Variants in ATAD3B observed in about 807,000 individuals in gnomAD.
ATAD3B encodes ATPase family AAA domain-containing protein 3B.
Under a neutral mutation model 70.2 loss-of-function variants are expected in ATAD3B, and 59 were observed. The observed-to-expected ratio is 0.84, with a 90% confidence interval of 0.68 to 1.04. The LOEUF is 1.04. ATAD3B is among the 50% of genes least tolerant of loss of function. ATAD3B has a pLI of 0.00. For missense variants in ATAD3B, 961 were observed against 913.4 expected (o/e 1.05, Z -0.67); for synonymous variants, 423 against 388.6 (o/e 1.09, Z -1.04).
At chr1:1,477,192 T>C in intron 1 of ATAD3B, 82 bp from the exon 2 acceptor site, 2 of 1,544,234 alleles carry the variant, frequency 1.3e-6, no homozygotes, top group Non-Finnish European at 1.8e-6. Context: ...GTATTTTTAG[T>C]AGAGGTTGGG....
chr1:1,489,258 G>T lies in ATAD3B; in HGVS notation c.1321G>T (p.Gly441Cys). 3 of 1,613,540 alleles carry T rather than the reference G, an allele frequency of 1.9e-6. No homozygotes were observed. The highest frequency in any genetic ancestry group is 2.5e-6 in the Non-Finnish European group (3 of 1,179,650). Residue 441 changes from glycine to cysteine, a missense_variant, in exon 13 of 16, where the codon GGC (glycine) becomes TGC (cysteine). Physicochemically the swap from Gly to Cys is radical, Grantham distance 159. This residue lies in a region of ATAD3B where 417 missense variants were observed against 335.0 expected (regional missense o/e 1.24). Transcript: ENST00000673477. ...ATLNAFLYHMGQHSNKFMLVL... is the reference protein window; with the variant it reads ...ATLNAFLYHMCQHSNKFMLVL... ...ACTGAACGCCTTCCTGTACCACATG[G>T]GCCAACACAGCAACAAGTGAGGGAG...
Position 1,496,008 on chromosome 1 carries a change from T to G in ATAD3B, c.*191T>G. 7.5e-7 allele frequency: 1 copy of G among 1,340,702 alleles called. No individual in the cohort carries two copies. The highest frequency in any genetic ancestry group is 9.6e-7 in the Non-Finnish European group (1 of 1,047,032). 83.1% of individuals were successfully genotyped at this position (1,340,702 alleles called of 1,614,324 possible). A position where few individuals can be genotyped will look rare whatever the true frequency, so the allele number is the denominator to read the frequency against. On this transcript the variant is annotated 3_prime_UTR_variant, in exon 16 of 16. Transcript: ENST00000673477. ...GGCAGGCGGGGTCTTTGTTCTCGGCTCCCACAGCAGAGCCAGGTGAGGGGG... is the reference window on the plus strand; with the variant it reads ...GGCAGGCGGGGTCTTTGTTCTCGGCGCCCACAGCAGAGCCAGGTGAGGGGG...
Position 1,490,292 on chromosome 1 carries a change from AG to A in ATAD3B, c.1374del (p.Gln458HisfsTer12), listed in dbSNP as rs762670446. Reference protein sequence around the residue: ...MLVLASNLPEQFDCAINSRID... With the variant: ...MLVLASNLPEXFDCAINSRID... ...GTCCTGGCCAGCAATCTGCCTGAGC[AG>A]TTCGACTGTGCCATCAACAGCCGCA... On this transcript the variant is annotated frameshift_variant, in exon 14 of 16. Coordinates refer to ENST00000673477, the MANE Select transcript of ATAD3B (RefSeq NM_031921.6). LOFTEE classifies it high-confidence loss of function. 2.4e-5 allele frequency: 38 copies of A among 1,613,022 alleles called. 1 individual carries two copies. The highest frequency in any genetic ancestry group is 3.2e-5 in the Non-Finnish European group (38 of 1,179,668).
At chr1:1,485,500 C>G (rs1277066099) in intron 8 of ATAD3B, among the ~76,000 whole-genome samples, 1 of 152,092 alleles carries the variant, frequency 6.6e-6, no homozygotes, top group Non-Finnish European at 1.5e-5. Context: ...GGTGGCCTCC[C>G]TGGGGAGCCG....
At position 1,477,305 on chromosome 1, in the gene ATAD3B, G is replaced by C. The variant is rs1378927038; in HGVS notation, c.237G>C (p.Gln79His). ...CCAAGGAGGCCCTGAATCTGGCGCA[G>C]ATGCAGGAGCAGACGCTGCAGTTGG... is the stretch of plus-strand genomic sequence containing the variant. ...RYAKEALNLAQMQEQTLQLEQ... is the reference protein window; with the variant it reads ...RYAKEALNLAHMQEQTLQLEQ... Residue 79 changes from glutamine (Q) to histidine (H), a missense_variant, in exon 2 of 16, where the codon CAG becomes CAC. Coordinates refer to ENST00000673477, the MANE Select transcript of ATAD3B (RefSeq NM_031921.6). 4 of 1,612,428 alleles carry C rather than the reference G, an allele frequency of 2.5e-6. No homozygotes were observed. The highest frequency in any genetic ancestry group is 3.4e-6 in the Non-Finnish European group (4 of 1,179,722).
At chr1:1,505,382 G>A in the ATAD3B span, among the ~76,000 whole-genome samples, 1 of 152,202 alleles carries the variant, frequency 6.6e-6, no homozygotes, top group African/African-American at 2.4e-5. Flanking sequence ...AGGATGGAAC[G>A]TGAAGGCGGA....
At chr1:1,475,951 C>A (rs915111296) in intron 1 of ATAD3B, among the ~76,000 whole-genome samples, 16 of 150,074 alleles carry the variant, frequency 1.1e-4, no homozygotes, top group African/African-American at 4.0e-4. Context: ...AGCTCCTCAC[C>A]GTGACACCCA....
chr1:1,498,465 T>C (rs1570291285), downstream of ATAD3B, among the ~76,000 whole-genome samples: 1 of 150,094 alleles, frequency 6.7e-6, no homozygotes, highest in African/African-American at 2.5e-5. Flanking sequence ...TGTCTCAAAA[T>C]AAATTAAAAA....
the ATAD3B span, chr1:1,503,471 C>T: frequency 2.1e-6 from 2 of 968,484 alleles, no homozygotes; most frequent in Non-Finnish European, 3.2e-6. Flanking sequence ...GGGCTGGGGG[C>T]TTTGAGGTCG....
At position 1,482,296 on chromosome 1, in the gene ATAD3B, T is replaced by G. The variant is rs1393896119; in HGVS notation, c.673T>G (p.Ser225Ala). 1 of 1,602,602 alleles carries G rather than the reference T, an allele frequency of 6.2e-7. No individual in the cohort carries two copies. The highest frequency in any genetic ancestry group is 1.4e-5 in the African/African-American group (1 of 69,488). ...ASEHRQTVLESIRTAGTLFGE... is the reference protein window; with the variant it reads ...ASEHRQTVLEAIRTAGTLFGE... ...CGAGCACCGTCAGACCGTCTTGGAG[T>G]CCATCAGGTGAGCACTGCCCAGGCC... The change falls in exon 6 of 16, where the codon TCC (serine) becomes GCC (alanine). Residue 225 changes from serine to alanine, a missense_variant. Ser to Ala is a moderately conservative substitution (Grantham distance 99). Around this residue, in one of 4 missense-constraint regions of ATAD3B, gnomAD observed 349 missense variants for 307.5 expected, o/e 1.14. Transcript: ENST00000673477.
intron 12 of ATAD3B, 111 bp from the exon 13 acceptor site, chr1:1,489,093 A>G: frequency 1.3e-6 from 2 of 1,555,768 alleles, no homozygotes; most frequent in Non-Finnish European, 1.8e-6. Context: ...GATCCATGAA[A>G]GTGTCGCCAC....
At chr1:1,483,063 G>A (rs1171531033) in intron 7 of ATAD3B, 2 of 455,200 alleles carry the variant, frequency 4.4e-6, no homozygotes, top group African/African-American at 4.0e-5. Context: ...CGGAGGCGGA[G>A]GTGGGCGGAT....
chr1:1,508,266 T>C, the ATAD3B span, among the ~76,000 whole-genome samples: 1 of 151,268 alleles, frequency 6.6e-6, no homozygotes, highest in African/African-American at 2.5e-5. Context: ...CTCCGGTCAG[T>C]GTCTCCCCAC....
intron 7 of ATAD3B, chr1:1,483,121 C>G: frequency 4.7e-6 from 2 of 421,706 alleles, no homozygotes; most frequent in Non-Finnish European, 9.5e-6. Context: ...GAAACCCTGT[C>G]TCTACTAAAA....
chr1:1,473,178 C>T (rs184670515), intron 1 of ATAD3B, among the ~76,000 whole-genome samples: 2 of 121,794 alleles, frequency 1.6e-5, no homozygotes, highest in East Asian at 2.7e-4. Flanking sequence ...CTCGCTCTGT[C>T]GCCCAGGCTG....
At chr1:1,494,469 C>G (rs1314126041) in intron 15 of ATAD3B, among the ~76,000 whole-genome samples, 3 of 151,344 alleles carry the variant, frequency 2.0e-5, no homozygotes, top group Non-Finnish European at 1.5e-5. Flanking sequence ...TCCCGGGCCC[C>G]CGACCCACAG....
chr1:1,489,181 A>T (rs1640393291), intron 12 of ATAD3B, 23 bp from the exon 13 acceptor site: 1 of 1,613,160 alleles, frequency 6.2e-7, no homozygotes, highest in Non-Finnish European at 8.5e-7. Context: ...CTGGTGCCTA[A>T]GGCTGGAACC....
chr1:1,474,917 G>C (rs1046391510), intron 1 of ATAD3B, among the ~76,000 whole-genome samples: 4 of 150,516 alleles, frequency 2.7e-5, no homozygotes, highest in African/African-American at 5.0e-5. Flanking sequence ...TATTTGGAGG[G>C]TTCCTTTGTG....
intron 13 of ATAD3B, 88 bp from the exon 14 acceptor site, chr1:1,490,169 C>T: frequency 6.5e-7 from 1 of 1,534,786 alleles, no homozygotes. Flanking sequence ...CCCAAAAAGT[C>T]TCCCCGAGGG....
Sources: gnomAD v4.1 joint callset for allele counts (sites outside exome capture counted in the v4.1 genomes callset) on GRCh38, gnomAD v4.1.1 for gene constraint, gnomAD v4.1.1 regional missense constraint, MANE v1.5 for transcripts, NCBI Gene and HGNC (gene_info 2026-07-23, HGNC 2026-07-21) for gene names.